FNDC1: variants seen among roughly 807,000 people sequenced by gnomAD.
FNDC1 encodes the protein fibronectin type III domain containing 1.
Under a neutral mutation model 168.0 loss-of-function variants are expected in FNDC1, and 96 were observed. The ratio of observed to expected loss-of-function variants is 0.57; its 90% confidence interval spans 0.48 to 0.68. FNDC1 has a LOEUF of 0.68. Ranked by LOEUF, FNDC1 falls within the 30% of genes least tolerant of loss-of-function variation. The pLI, the probability that FNDC1 is intolerant of heterozygous loss-of-function variation, is 0.00. For missense variants in FNDC1, 2,587 were observed against 2,482.1 expected, an observed-to-expected ratio of 1.04 and a Z score of -0.90; for synonymous variants, 1,099 against 1,025.9, an observed-to-expected ratio of 1.07 and a Z score of -1.36.
chr6:159,200,671 C>G (rs1376289087), intron 4 of FNDC1, 90 bp downstream of exon 4: 1 of 996,594 alleles, frequency 1.0e-6, no homozygotes, highest in African/African-American at 1.6e-5. Flanking sequence ...CATGTGCTCA[C>G]AAACCTTCAC....
intron 1 of FNDC1, among the ~76,000 whole-genome samples, chr6:159,193,982 T>G (rs1167465087): frequency 1.3e-5 from 2 of 152,172 alleles, no homozygotes; most frequent in African/African-American, 4.8e-5. Flanking sequence ...AGCAAAATAT[T>G]CTTGAATCTG....
Position 159,175,723 on chromosome 6 carries a change from G to A in FNDC1, c.109+6018G>A, listed in dbSNP as rs962338773. On this transcript the variant is annotated intron_variant, in intron 1 of 22. Coordinates refer to ENST00000297267, the MANE Select transcript of FNDC1 (RefSeq NM_032532.3). ...TTTCCTTGGTGGTCCTGTTAAGCTC[G>A]CCTGTTGGCATCTTAGAGCCGGTGC... 3.9e-5 allele frequency among the ~76,000 whole-genome samples: 6 copies of A among 152,162 alleles called. No individual in the cohort carries two copies. In the South Asian group the frequency reaches 8.3e-4, roughly 21 times the overall value.
At chr6:159,216,099 C>A (rs1051057221) in intron 5 of FNDC1, among the ~76,000 whole-genome samples, 1 of 152,070 alleles carries the variant, frequency 6.6e-6, no homozygotes, top group African/African-American at 2.4e-5. Flanking sequence ...GTAGCTGGGA[C>A]TACAGGCACG....
At chr6:159,271,227 C>A (rs1777738406) in intron 22 of FNDC1, 100 bp from the exon 23 acceptor site, 2 of 768,206 alleles carry the variant, frequency 2.6e-6, no homozygotes, top group South Asian at 3.2e-5. Context: ...ACAAGAACAA[C>A]TTATCAGAGG....
chr6:159,267,818 A>G lies in FNDC1; in HGVS notation c.5461A>G (p.Ile1821Val), dbSNP rs140207679. 73 of 1,613,864 alleles carry G rather than the reference A, an allele frequency of 4.5e-5. No homozygotes were observed. In the African/African-American group the frequency reaches 9.1e-4, roughly 20 times the overall value. ...SDNLKDTFYS[I>V]GDSWGRGEDH... Reference sequence around the variant, plus strand: ...CCTTCATGCAGATACATTCTACAGCATTGGAGACAGCTGGGGAAGAGGTGA... The same window carrying G: ...CCTTCATGCAGATACATTCTACAGCGTTGGAGACAGCTGGGGAAGAGGTGA... Residue 1821 changes from isoleucine to valine, a missense_variant, in exon 22 of 23, where the codon ATT becomes GTT. Ile to Val is a conservative substitution (Grantham distance 29). Transcript: ENST00000297267.
intron 1 of FNDC1, among the ~76,000 whole-genome samples, chr6:159,177,132 G>T (rs1265812444): frequency 5.9e-5 from 9 of 152,084 alleles, no homozygotes; most frequent in African/African-American, 2.2e-4. Flanking sequence ...AATTCAGTGT[G>T]GTTCCCAAGG....
chr6:159,169,675 C>T lies in FNDC1; in HGVS notation c.79C>T (p.Leu27Phe). ...GGCGCTGCTGCTCTTGGCCGCGCTG[C>T]TCCCCGTCGCCTCCTCGGCGGCGGC... ...WAALLLLAAL[L>F]PVASSAAASV... The change falls in exon 1 of 23, where the codon CTC becomes TTC. Residue 27 changes from leucine (L) to phenylalanine (F), a missense_variant. Transcript: ENST00000297267. This position sits in a 1 kb window ranked among gnomAD's most constrained non-coding sequence, Gnocchi z 6.8. 1 of 1,163,550 alleles carries T rather than the reference C, an allele frequency of 8.6e-7. No homozygotes were observed. The highest frequency in any genetic ancestry group is 1.1e-6 in the Non-Finnish European group (1 of 944,678). The allele number at this position is 1,163,550 out of a possible 1,614,324, so 72.1% of individuals were successfully genotyped here.
chr6:159,206,117 G>C (rs888750688), intron 4 of FNDC1, among the ~76,000 whole-genome samples: 3 of 152,236 alleles, frequency 2.0e-5, no homozygotes, highest in Non-Finnish European at 4.4e-5. Flanking sequence ...GGTGCCGGCA[G>C]AGTAAACCAA....
At chr6:159,253,681 A>G (rs1777317922) in intron 17 of FNDC1, among the ~76,000 whole-genome samples, 1 of 152,228 alleles carries the variant, frequency 6.6e-6, no homozygotes, top group South Asian at 2.1e-4. Flanking sequence ...GTTTTTCAGG[A>G]CCAGCTCATC....
intron 1 of FNDC1, among the ~76,000 whole-genome samples, chr6:159,173,720 C>A (rs1394048200): frequency 1.3e-5 from 2 of 152,198 alleles, no homozygotes; most frequent in Non-Finnish European, 2.9e-5. Flanking sequence ...TGACTTGAAA[C>A]AATACAAATT....
intron 15 of FNDC1, among the ~76,000 whole-genome samples, chr6:159,248,183 T>C (rs943032536): frequency 3.9e-5 from 6 of 151,934 alleles, no homozygotes; most frequent in African/African-American, 1.4e-4. Context: ...AGCATCTTTC[T>C]TATCTTTGAA....
chr6:159,191,486 C>T (rs928450037), intron 1 of FNDC1, among the ~76,000 whole-genome samples: 1 of 152,214 alleles, frequency 6.6e-6, no homozygotes, highest in Non-Finnish European at 1.5e-5. Context: ...TTCCATAACT[C>T]ATTAACTCAG....
At chr6:159,185,075 G>GA (rs971816532) in intron 1 of FNDC1, among the ~76,000 whole-genome samples, 1 of 95,768 alleles carries the variant, frequency 1.0e-5, no homozygotes, top group African/African-American at 4.2e-5. Context: ...GGTGGGGGGG[G>GA]GGGAATCTTG....
Position 159,232,544 on chromosome 6 carries a change from T to G in FNDC1, c.2032T>G (p.Ser678Ala). 6.2e-7 allele frequency: 1 copy of G among 1,612,170 alleles called. No individual in the cohort carries two copies. ...CCTGTCCCCCAGCCGCCAGTCCCCG[T>G]CCAGCGTTCTCCGCGACAGAAGCTC... is the stretch of plus-strand genomic sequence containing the variant. ...PALSPSRQSP[S>A]SVLRDRSSVH... The change falls in exon 11 of 23, where the codon TCC becomes GCC. Residue 678 changes from serine to alanine, a missense_variant. Transcript: ENST00000297267. This position sits in a 1 kb window ranked among gnomAD's most constrained non-coding sequence, Gnocchi z 4.9.
chr6:159,209,145 G>C (rs418175), intron 4 of FNDC1, among the ~76,000 whole-genome samples: 73,356 of 152,096 alleles, frequency 0.48, 20,119 homozygotes, highest in African/African-American at 0.75. Flanking sequence ...CCATGCCCAG[G>C]CTACTTTTAA....
chr6:159,217,605 A>G (rs1355371393), intron 5 of FNDC1, among the ~76,000 whole-genome samples: 1 of 152,134 alleles, frequency 6.6e-6, no homozygotes, highest in Non-Finnish European at 1.5e-5. Flanking sequence ...CACCTGCTGA[A>G]GACTGTCTTG....
rs1277520803 is a variant in FNDC1, at chr6:159,223,518, G to C, written c.767-10G>C. ...AGAAAGCCTTTCTCTGGGTCTCGTTGTCATTTCAGAAGAGGACGAATTGGA... is the reference window on the plus strand; with the variant it reads ...AGAAAGCCTTTCTCTGGGTCTCGTTCTCATTTCAGAAGAGGACGAATTGGA... On this transcript the variant is annotated splice_polypyrimidine_tract_variant and intron_variant, in intron 6 of 22. Coordinates refer to ENST00000297267, the MANE Select transcript of FNDC1 (RefSeq NM_032532.3). 1 of 1,594,326 alleles carries C rather than the reference G, an allele frequency of 6.3e-7. No individual in the cohort carries two copies. Among genetic ancestry groups the C allele is most frequent in the African/African-American group, 1.3e-5 (1 of 74,420 alleles).
At position 159,240,023 on chromosome 6, in the gene FNDC1, G is replaced by A. The variant is rs1783384245; in HGVS notation, c.4621+66G>A. On this transcript the variant is annotated intron_variant, in intron 14 of 22. Coordinates refer to ENST00000297267, the MANE Select transcript of FNDC1 (RefSeq NM_032532.3). ...ACTAGCACGCCGCAACTCAGAGCAG[G>A]GTGGCAGAGCCTGCAGGGGAGGTAT... The A allele has an allele frequency of 9.2e-6, 13 of 1,405,826 alleles. 1 individual carries two copies. The South Asian group carries it at 1.7e-4, about 19-fold the overall frequency. 87.1% of individuals were successfully genotyped at this position (1,405,826 alleles called of 1,614,324 possible).
At position 159,271,452 on chromosome 6, in the gene FNDC1, C is replaced by T. The variant is rs945196297; in HGVS notation, c.*10C>T. On this transcript the variant is annotated 3_prime_UTR_variant, in exon 23 of 23. Coordinates refer to ENST00000297267, the MANE Select transcript of FNDC1 (RefSeq NM_032532.3). ...CCCTGGAAAGTGGTAATCACAGGAC[C>T]GTCATGCTGCAAGCTTGCCCTGCCC... The T allele has an allele frequency of 2.0e-5, 31 of 1,587,150 alleles. No homozygotes were observed. Among genetic ancestry groups the T allele is most frequent in the East Asian group, 6.8e-5 (3 of 44,038 alleles).
Sources: allele counts gnomAD v4.1 joint callset (sites outside exome capture counted in the v4.1 genomes callset), GRCh38; gene constraint gnomAD v4.1.1; non-coding constraint Gnocchi (gnomAD v3.1); transcripts MANE v1.5; gene names NCBI Gene and HGNC (gene_info 2026-07-23, HGNC 2026-07-21).